Variants in FAM13A observed in about 807,000 individuals in gnomAD.
The protein encoded by FAM13A is family with sequence similarity 13 member A.
In FAM13A, 76 loss-of-function variants were observed where a neutral mutation model predicts 129.6. That is an observed-to-expected ratio of 0.59 (90% CI 0.49 to 0.71). FAM13A has a LOEUF of 0.71. Ranked by LOEUF, FAM13A falls within the 30% of genes least tolerant of loss-of-function variation. FAM13A has a pLI of 0.00. For missense variants in FAM13A, 1,108 were observed against 1,249.3 expected (o/e 0.89, Z 1.70); for synonymous variants, 443 against 449.9 (o/e 0.98, Z 0.20).
intron 14 of FAM13A, among the ~76,000 whole-genome samples, chr4:88,756,084 T>A (rs193065451): frequency 6.6e-6 from 1 of 152,356 alleles, no homozygotes; most frequent in African/African-American, 2.4e-5. Flanking sequence ...ATTCTAATTA[T>A]GCAACTCTGA....
chr4:89,009,903 AACT>A (rs1765524727), intron 3 of FAM13A, among the ~76,000 whole-genome samples: 1 of 152,172 alleles, frequency 6.6e-6, no homozygotes, highest in Non-Finnish European at 1.5e-5. Flanking sequence ...AATCATGAGT[AACT>A]ACAAAACAGT....
At chr4:89,046,935 GAAA>G (rs1326317025) in intron 1 of FAM13A, among the ~76,000 whole-genome samples, 1 of 152,078 alleles carries the variant, frequency 6.6e-6, no homozygotes, top group Admixed American at 6.5e-5. Context: ...AAAAAAGAAA[GAAA>G]AAAGAGAAAC....
chr4:88,788,143 A>C (rs1724357766), intron 9 of FAM13A, among the ~76,000 whole-genome samples: 1 of 152,218 alleles, frequency 6.6e-6, no homozygotes, highest in Non-Finnish European at 1.5e-5. Context: ...CTGCCAATTT[A>C]ACAACTTTCT....
intron 4 of FAM13A, among the ~76,000 whole-genome samples, chr4:88,941,451 C>T (rs900053183): frequency 5.3e-5 from 8 of 152,192 alleles, no homozygotes; most frequent in African/African-American, 1.9e-4. Context: ...GTCTATAAAA[C>T]CAACCTTGTT....
chr4:89,036,665 T>G (rs1472888799), intron 1 of FAM13A, among the ~76,000 whole-genome samples: 1 of 152,134 alleles, frequency 6.6e-6, no homozygotes, highest in Non-Finnish European at 1.5e-5. Context: ...ATTTCAGAGA[T>G]CTTCACAGCA....
Position 88,732,208 on chromosome 4 carries a change from C to G in FAM13A, c.2647-10G>C. ...ACCCCTCCTCTTCTTCCTGGAGATA[C>G]ACAGCAACCCCAATAAAAATCTGGT... On this transcript the variant is annotated splice_polypyrimidine_tract_variant and intron_variant, in intron 21 of 23. Transcript: ENST00000264344. 4 of 1,575,374 alleles carry G rather than the reference C, an allele frequency of 2.5e-6. No homozygotes were observed. The highest frequency in any genetic ancestry group is 3.4e-6 in the Non-Finnish European group (4 of 1,159,846).
At chr4:88,790,694 G>T in intron 8 of FAM13A, 67 bp from the exon 9 acceptor site, 2 of 1,379,488 alleles carry the variant, frequency 1.4e-6, no homozygotes, top group Non-Finnish European at 1.0e-6. Flanking sequence ...CCAAACATGT[G>T]AAGTGGATCG....
At chr4:89,049,897 T>TAG (rs1318533557) in intron 1 of FAM13A, among the ~76,000 whole-genome samples, 1 of 152,188 alleles carries the variant, frequency 6.6e-6, no homozygotes, top group Admixed American at 6.5e-5. Context: ...TAGGTGAAAC[T>TAG]TCTAAATCTA....
chr4:89,006,485 C>T (rs1375244555), intron 3 of FAM13A, among the ~76,000 whole-genome samples: 2 of 152,204 alleles, frequency 1.3e-5, no homozygotes, highest in Non-Finnish European at 2.9e-5. Flanking sequence ...CTTACTCAAA[C>T]CCCTTGTGGG....
chr4:88,833,977 C>T (rs896780599), intron 7 of FAM13A, among the ~76,000 whole-genome samples: 3 of 151,790 alleles, frequency 2.0e-5, no homozygotes, highest in African/African-American at 4.8e-5. Context: ...CTGAGACCTC[C>T]GTCTCCCAGA....
At chr4:88,906,811 T>A in intron 5 of FAM13A, among the ~76,000 whole-genome samples, 1 of 152,210 alleles carries the variant, frequency 6.6e-6, no homozygotes, top group Non-Finnish European at 1.5e-5. Context: ...ATCTCCAAAA[T>A]ATCAACCAAC....
chr4:88,885,974 A>C (rs1006056213), intron 6 of FAM13A, among the ~76,000 whole-genome samples: 3 of 150,854 alleles, frequency 2.0e-5, no homozygotes, highest in African/African-American at 7.4e-5. Flanking sequence ...ATACCACCTT[A>C]CTCCTGCAAG....
At chr4:88,861,708 G>T (rs545630017) in intron 6 of FAM13A, among the ~76,000 whole-genome samples, 1 of 152,260 alleles carries the variant, frequency 6.6e-6, no homozygotes, top group African/African-American at 2.4e-5. Context: ...CAAGAAAAGA[G>T]GCACATGGAC....
chr4:88,854,347 C>T (rs1466464361), intron 6 of FAM13A, among the ~76,000 whole-genome samples: 2 of 152,154 alleles, frequency 1.3e-5, no homozygotes, highest in Non-Finnish European at 1.5e-5. Context: ...CAAATCGCGC[C>T]AACAGCCTTA....
At position 88,791,264 on chromosome 4, in the gene FAM13A, C is replaced by G. The variant is rs371578671; in HGVS notation, c.1050-637G>C. Among the ~76,000 whole-genome samples, 7 of 152,208 alleles carry G rather than the reference C, an allele frequency of 4.6e-5. No homozygotes were observed. The South Asian group carries it at 1.4e-3, about 32-fold the overall frequency. On this transcript the variant is annotated intron_variant, in intron 8 of 23. Transcript: ENST00000264344. ...TCTAATTTACAATGTTTTTGTTGAG[C>G]ACTTACAAATTTTCATGATTTTCCC...
At chr4:88,804,919 T>A in intron 8 of FAM13A, 92 bp downstream of exon 8, 1 of 734,722 alleles carries the variant, frequency 1.4e-6, no homozygotes, top group Admixed American at 2.4e-5. Flanking sequence ...ATGAATGTTC[T>A]ATTGAAAGAG....
intron 10 of FAM13A, 62 bp from the exon 11 acceptor site, chr4:88,781,413 C>G (rs2290784): frequency 0.45 from 507,563 of 1,120,640 alleles, 122,106 homozygotes; most frequent in Non-Finnish European, 0.5. Context: ...GAATGATACT[C>G]TAACTACATC....
intron 6 of FAM13A, among the ~76,000 whole-genome samples, chr4:88,894,921 A>G (rs1320071625): frequency 2.0e-5 from 3 of 152,226 alleles, no homozygotes; most frequent in African/African-American, 4.8e-5. Flanking sequence ...ATATCCTTTA[A>G]TTCTACCATA....
intron 4 of FAM13A, among the ~76,000 whole-genome samples, chr4:88,969,396 G>C (rs1460299516): frequency 6.6e-6 from 1 of 152,152 alleles, no homozygotes; most frequent in East Asian, 1.9e-4. Flanking sequence ...ATGATCAGGA[G>C]AGGCTTCCTA....
Sources: gnomAD v4.1 joint callset for allele counts (sites outside exome capture counted in the v4.1 genomes callset) on GRCh38, gnomAD v4.1.1 for gene constraint, MANE v1.5 for transcripts, NCBI Gene and HGNC (gene_info 2026-07-23, HGNC 2026-07-21) for gene names.